Variants in FBN1 observed in about 807,000 individuals in gnomAD.
FBN1 encodes the protein fibrillin 1, also known as fibrillin-1.
A neutral mutation model predicts 365.1 loss-of-function variants in FBN1; 29 were observed. That is an observed-to-expected ratio of 0.08 (90% CI 0.06 to 0.11). The LOEUF (loss-of-function observed/expected upper bound fraction) is 0.11. FBN1 is among the 10% of genes least tolerant of loss of function. The pLI, the probability that FBN1 is intolerant of heterozygous loss-of-function variation, is 1.00. For missense variants in FBN1, 2,476 were observed against 3,703.2 expected (o/e 0.67, Z 8.60); for synonymous variants, 1,210 against 1,270.5 (o/e 0.95, Z 1.01).
intron 15 of FBN1, among the ~76,000 whole-genome samples, chr15:48,507,806 G>GAC (rs1209324511): frequency 2.0e-5 from 3 of 152,106 alleles, no homozygotes; most frequent in African/African-American, 4.8e-5. Flanking sequence ...TGAGTATGAG[G>GAC]TTCTTTAAGA....
rs765793866 is a variant in FBN1, at chr15:48,534,249, T to C, written c.737-44A>G. ...CAGAGAGAAAAAAAAAAAACTCATA[T>C]GAAATTCATTGCAGAATAAAATGTG... On this transcript the variant is annotated intron_variant, in intron 7 of 65. Coordinates refer to ENST00000316623, the MANE Select transcript of FBN1 (RefSeq NM_000138.5). 3.8e-6 allele frequency: 6 copies of C among 1,572,800 alleles called. No individual in the cohort carries two copies. The South Asian group carries it at 6.9e-5, about 18-fold the overall frequency.
At chr15:48,571,788 A>C (rs1416570523) in intron 6 of FBN1, among the ~76,000 whole-genome samples, 5 of 152,168 alleles carry the variant, frequency 3.3e-5, no homozygotes, top group Non-Finnish European at 7.3e-5. Flanking sequence ...TACAAAAAAC[A>C]CTCTGTGTTC....
intron 10 of FBN1, among the ~76,000 whole-genome samples, chr15:48,520,393 G>T (rs1387471280): frequency 1.3e-5 from 2 of 152,154 alleles, no homozygotes; most frequent in African/African-American, 4.8e-5. Flanking sequence ...GTACTAAAAT[G>T]AGAATAAGTA....
Position 48,542,781 on chromosome 15 carries a change from ATGTG to A in FBN1, c.539-4977_539-4974del, listed in dbSNP as rs58728910. Among the ~76,000 whole-genome samples, 846 of 130,652 alleles carry A rather than the reference ATGTG, an allele frequency of 6.5e-3. 4 individuals are homozygous for A. The highest frequency in any genetic ancestry group is 0.016 in the African/African-American group (510 of 31,072). The allele number at this position is 130,652 out of a possible 152,430, so 85.7% of individuals were successfully genotyped here. A position where few individuals can be genotyped will look rare whatever the true frequency, so the allele number is the denominator to read the frequency against. On this transcript the variant is annotated intron_variant, in intron 6 of 65. Coordinates refer to ENST00000316623, the MANE Select transcript of FBN1 (RefSeq NM_000138.5). ...TATTTCTGCCCTCTAGGACTCTAAG[ATGTG>A]TGTGTGTGTGTGTGTGTGTGTGTGT...
intron 25 of FBN1, among the ~76,000 whole-genome samples, chr15:48,489,038 GTCTT>G (rs2043533208): frequency 6.6e-6 from 1 of 151,708 alleles, no homozygotes; most frequent in South Asian, 2.1e-4. Context: ...ACCTTAAGAT[GTCTT>G]TCTTTCTTTT....
intron 6 of FBN1, 81 bp downstream of exon 6, chr15:48,596,202 T>A (rs1411698023): frequency 8.0e-7 from 1 of 1,245,656 alleles, no homozygotes. Flanking sequence ...GAAGTAGCCA[T>A]GCAGACCCAA....
chr15:48,523,402 T>G (rs913209649), intron 9 of FBN1, among the ~76,000 whole-genome samples: 2 of 152,208 alleles, frequency 1.3e-5, no homozygotes, highest in Non-Finnish European at 2.9e-5. Flanking sequence ...TCACAAACTC[T>G]TGATCAAAAT....
intron 56 of FBN1, among the ~76,000 whole-genome samples, chr15:48,429,062 C>A (rs2043005530): frequency 6.6e-6 from 1 of 151,546 alleles, no homozygotes; most frequent in South Asian, 2.1e-4. Context: ...TAACTGATAG[C>A]ATTTTATATA....
At chr15:48,474,451 A>G in intron 33 of FBN1, 74 bp from the exon 34 acceptor site, 1 of 1,611,506 alleles carries the variant, frequency 6.2e-7, no homozygotes, top group Non-Finnish European at 8.5e-7. Flanking sequence ...AATTAAAATA[A>G]CTTTACATAA....
chr15:48,620,651 T>C (rs1247971076), intron 2 of FBN1, among the ~76,000 whole-genome samples: 4 of 152,198 alleles, frequency 2.6e-5, no homozygotes, highest in Non-Finnish European at 5.9e-5. Flanking sequence ...ATGATCATTT[T>C]TGATAGATAC....
Position 48,410,658 on chromosome 15 carries a change from A to G in FBN1, c.*332T>C, listed in dbSNP as rs763450242. 1 of 284,248 alleles carries G rather than the reference A, an allele frequency of 3.5e-6. No individual in the cohort carries two copies. Among genetic ancestry groups the G allele is most frequent in the Non-Finnish European group, 6.6e-6 (1 of 151,382 alleles). The allele number at this position is 284,248 out of a possible 1,614,324, so 17.6% of individuals were successfully genotyped here. On this transcript the variant is annotated 3_prime_UTR_variant, in exon 66 of 66. Transcript: ENST00000316623. ...TTTGCAAAAAATAGAGTAGTCCATCAATTGAAAGCACATTCCCGTACGTTT... is the reference window on the plus strand; with the variant it reads ...TTTGCAAAAAATAGAGTAGTCCATCGATTGAAAGCACATTCCCGTACGTTT...
rs976367422 is a variant in FBN1 at position 48,409,838 on chromosome 15, T to C, written c.*1152A>G. The C allele has an allele frequency of 2.0e-5, 3 of 152,226 alleles. No individual in the cohort carries two copies. The highest frequency in any genetic ancestry group is 4.8e-5 in the African/African-American group (2 of 41,466). 9.4% of individuals were successfully genotyped at this position (152,226 alleles called of 1,614,324 possible). On this transcript the variant is annotated 3_prime_UTR_variant, in exon 66 of 66. Transcript: ENST00000316623. ...TTAGGTCATGTTTCAGAAATGACTC[T>C]ACAATCTAAATTTCTCACAAGCAAG...
intron 4 of FBN1, among the ~76,000 whole-genome samples, chr15:48,603,880 G>C (rs1384303793): frequency 6.6e-6 from 1 of 152,158 alleles, no homozygotes; most frequent in Non-Finnish European, 1.5e-5. Context: ...AGCCGTAAAG[G>C]GTTTCATGTA....
Position 48,432,896 on chromosome 15 carries a change from C to T in FBN1, c.6709G>A (p.Val2237Met), listed in dbSNP as rs764218640. 3 of 1,613,602 alleles carry T rather than the reference C, an allele frequency of 1.9e-6. No homozygotes were observed. In the East Asian group the frequency reaches 6.7e-5, roughly 36 times the overall value. Residue 2237 changes from valine (V) to methionine (M), a missense_variant, in exon 55 of 66, where the codon GTG (valine) becomes ATG (methionine). By Grantham distance (21) the Val-to-Met change is conservative. Transcript: ENST00000316623. The part of the protein sequence containing the change: ...SYECKCPVGY[V>M]LREDRRMCKD... ...CACATCCTACGGTCTTCTCTGAGCA[C>T]ATATCCCACGGGACATTTGCATTCA... is the stretch of plus-strand genomic sequence containing the variant.
Position 48,513,602 on chromosome 15 carries a change from G to C in FBN1, c.1535C>G (p.Thr512Ser). Residue 512 changes from threonine to serine, a missense_variant, in exon 13 of 66, where the codon ACC (threonine) becomes AGC (serine). Coordinates refer to ENST00000316623, the MANE Select transcript of FBN1 (RefSeq NM_000138.5). The part of the protein sequence containing the change: ...GECINNQGSY[T>S]CQCRAGYQST... ...CTGATATCCAGCTCGGCACTGACAG[G>C]TGTACGAACCCTGGTTGTTAATACA... is the stretch of plus-strand genomic sequence containing the variant. The C allele has an allele frequency of 6.2e-7, 1 of 1,613,980 alleles. No homozygotes were observed. Among genetic ancestry groups the C allele is most frequent in the East Asian group, 2.2e-5 (1 of 44,860 alleles).
intron 60 of FBN1, among the ~76,000 whole-genome samples, chr15:48,424,529 C>T (rs2042964670): frequency 6.6e-6 from 1 of 152,134 alleles, no homozygotes. Flanking sequence ...AGTGGAAGAA[C>T]TTAAGCTTTA....
chr15:48,567,073 A>T (rs982831808), intron 6 of FBN1, among the ~76,000 whole-genome samples: 1 of 152,162 alleles, frequency 6.6e-6, no homozygotes, highest in Non-Finnish European at 1.5e-5. Flanking sequence ...TTCTATGAAC[A>T]TTAAAGTTTG....
In FBN1 at chr15:48,644,642, T is replaced by C; in HGVS notation, c.128A>G (p.Lys43Arg). 6.2e-7 allele frequency: 1 copy of C among 1,614,008 alleles called. No homozygotes were observed. The highest frequency in any genetic ancestry group is 8.5e-7 in the Non-Finnish European group (1 of 1,180,020). The change falls in exon 2 of 66, where the codon AAG becomes AGG. Residue 43 changes from lysine (K) to arginine (R), a missense_variant. Lys to Arg is a conservative substitution (Grantham distance 26). Transcript: ENST00000316623. ...NVKETRASRA[K>R]RRGGGGHDAL... ...GTCGTGTCCTCCACCGCCTCTTCTCTTGGCCCGACTGGCTCTGGTTTCCTT... is the reference window on the plus strand; with the variant it reads ...GTCGTGTCCTCCACCGCCTCTTCTCCTGGCCCGACTGGCTCTGGTTTCCTT...
In FBN1 at chr15:48,448,075, T is replaced by C. The variant is rs553325222; in HGVS notation, c.5671+693A>G. On this transcript the variant is annotated intron_variant, in intron 46 of 65. Transcript: ENST00000316623. Reference sequence around the variant, plus strand: ...TTACTCTGGAGAAGATACAACTTTATGAGAAATGTTCCCAAATGGATGAAC... The same window carrying C: ...TTACTCTGGAGAAGATACAACTTTACGAGAAATGTTCCCAAATGGATGAAC... Among the ~76,000 whole-genome samples the C allele has an allele frequency of 4.6e-5, 7 of 152,300 alleles. No homozygotes were observed. The East Asian group carries it at 1.3e-3, about 29-fold the overall frequency.
Sources: gnomAD v4.1 joint callset for allele counts (sites outside exome capture counted in the v4.1 genomes callset) on GRCh38, gnomAD v4.1.1 for gene constraint, MANE v1.5 for transcripts, NCBI Gene and HGNC (gene_info 2026-07-23, HGNC 2026-07-21) for gene names.